Variants in NKAIN2 observed in about 807,000 individuals in gnomAD.
NKAIN2 encodes the protein sodium/potassium-transporting ATPase subunit beta-1-interacting protein 2.
A neutral mutation model predicts 32.6 loss-of-function variants in NKAIN2; 14 were observed. That is an observed-to-expected ratio of 0.43 (90% CI 0.28 to 0.67). NKAIN2 has a LOEUF of 0.67. Among genes scored for constraint, NKAIN2 ranks in the 30% least tolerant of loss-of-function variants. NKAIN2 has a pLI of 0.17. For missense variants in NKAIN2, 198 were observed against 258.3 expected, an observed-to-expected ratio of 0.77 and a Z score of 1.60; for synonymous variants, 80 against 87.2, an observed-to-expected ratio of 0.92 and a Z score of 0.46.
intron 1 of NKAIN2, among the ~76,000 whole-genome samples, chr6:124,092,013 C>T (rs1784447949): frequency 6.6e-6 from 1 of 152,052 alleles, no homozygotes; most frequent in Non-Finnish European, 1.5e-5. Context: ...ATGTACTTTG[C>T]TAACCTTAAG....
chr6:123,934,286 T>G (rs1776400661), intron 1 of NKAIN2, among the ~76,000 whole-genome samples: 1 of 152,200 alleles, frequency 6.6e-6, no homozygotes, highest in South Asian at 2.1e-4. Flanking sequence ...GGTTATATTT[T>G]GTGTTTTGGT....
chr6:124,053,922 T>G (rs549767944), intron 1 of NKAIN2, among the ~76,000 whole-genome samples: 1 of 152,042 alleles, frequency 6.6e-6, no homozygotes, highest in African/African-American at 2.4e-5. Context: ...ACAGTAAGAC[T>G]GATGATTAAA....
At chr6:123,834,364 A>C (rs1774522220) in intron 1 of NKAIN2, among the ~76,000 whole-genome samples, 1 of 151,736 alleles carries the variant, frequency 6.6e-6, no homozygotes, top group Non-Finnish European at 1.5e-5. Flanking sequence ...CATGTTGGCC[A>C]GGCTGGTCTT....
intron 1 of NKAIN2, among the ~76,000 whole-genome samples, chr6:124,215,419 G>A (rs566315653): frequency 1.8e-4 from 28 of 151,960 alleles, no homozygotes; most frequent in African/African-American, 6.3e-4. Context: ...CAATATGATG[G>A]GCCCAATCCT....
At chr6:123,980,180 A>C (rs1008655604) in intron 1 of NKAIN2, among the ~76,000 whole-genome samples, 1 of 152,222 alleles carries the variant, frequency 6.6e-6, no homozygotes, top group African/African-American at 2.4e-5. Context: ...TCTTGCTAAT[A>C]ATGACATGTA....
chr6:123,824,143 A>T (rs946295413), intron 1 of NKAIN2, among the ~76,000 whole-genome samples: 2 of 152,098 alleles, frequency 1.3e-5, no homozygotes, highest in African/African-American at 2.4e-5. Flanking sequence ...CAATCTTATT[A>T]TATATAGAAA....
At chr6:124,245,596 G>A (rs1793355384) in intron 1 of NKAIN2, among the ~76,000 whole-genome samples, 1 of 152,040 alleles carries the variant, frequency 6.6e-6, no homozygotes, top group African/African-American at 2.4e-5. Context: ...CAGTGCTTCA[G>A]TAACTGATAT....
intron 1 of NKAIN2, among the ~76,000 whole-genome samples, chr6:124,259,956 A>G (rs1794155529): frequency 6.6e-6 from 1 of 152,202 alleles, no homozygotes; most frequent in African/African-American, 2.4e-5. Flanking sequence ...CCAAATAATG[A>G]TTAATATTCT....
At chr6:124,382,416 T>C (rs926306108) in intron 3 of NKAIN2, among the ~76,000 whole-genome samples, 1 of 152,178 alleles carries the variant, frequency 6.6e-6, no homozygotes, top group Non-Finnish European at 1.5e-5. Context: ...AAAACTCTGA[T>C]GGGCCCAGTC....
intron 1 of NKAIN2, among the ~76,000 whole-genome samples, chr6:124,041,100 G>A (rs1781851251): frequency 6.6e-6 from 1 of 152,034 alleles, no homozygotes; most frequent in Non-Finnish European, 1.5e-5. Context: ...ATTTTAGGAA[G>A]TCATGTGAAA....
chr6:124,686,742 T>G (rs1441346254), intron 4 of NKAIN2, among the ~76,000 whole-genome samples: 1 of 152,154 alleles, frequency 6.6e-6, no homozygotes, highest in East Asian at 1.9e-4. Flanking sequence ...GCAAGTCATA[T>G]GGCCATACCT....
intron 5 of NKAIN2, among the ~76,000 whole-genome samples, chr6:124,801,381 C>T (rs990347433): frequency 1.3e-5 from 2 of 152,164 alleles, no homozygotes; most frequent in Non-Finnish European, 2.9e-5. Context: ...TAGTGGTCAC[C>T]TACTGTAATC....
rs559810453 is a variant in NKAIN2, at chr6:123,910,876, A to ATT, written c.54+106623_54+106624insTT. On this transcript the variant is annotated intron_variant, in intron 1 of 6. Coordinates refer to ENST00000368417, the MANE Select transcript of NKAIN2 (RefSeq NM_001040214.3). ...CTCATATGAATATGATTACAAGAAAATAACATTTAGATTGAGCCTTTATTT... is the reference window on the plus strand; with the variant it reads ...CTCATATGAATATGATTACAAGAAAATTTAACATTTAGATTGAGCCTTTATTT... Among the ~76,000 whole-genome samples, 60 of 152,202 alleles carry ATT rather than the reference A, an allele frequency of 3.9e-4. No homozygotes were observed. In the East Asian group the frequency reaches 0.011, roughly 28 times the overall value.
Position 124,776,853 on chromosome 6 carries a change from T to C in NKAIN2, c.475-14486T>C, listed in dbSNP as rs140022503. Among the ~76,000 whole-genome samples the C allele has an allele frequency of 1.5e-3, 227 of 152,314 alleles. 1 individual carries two copies. Among genetic ancestry groups the C allele is most frequent in the African/African-American group, 5.0e-3 (206 of 41,582 alleles). On this transcript the variant is annotated intron_variant, in intron 4 of 6. Coordinates refer to ENST00000368417, the MANE Select transcript of NKAIN2 (RefSeq NM_001040214.3). Reference sequence around the variant, plus strand: ...TATATTTTTGTGCCAAGTAGTCTTTTATCAGTTACTTACATTTAGCAGAAT... The same window carrying C: ...TATATTTTTGTGCCAAGTAGTCTTTCATCAGTTACTTACATTTAGCAGAAT...
rs777466801 is a variant in NKAIN2, at chr6:123,849,949, G to GTTTTTTTTT, written c.54+45699_54+45707dup. 4.6e-3 allele frequency among the ~76,000 whole-genome samples: 178 copies of GTTTTTTTTT among 38,644 alleles called. 10 individuals are homozygous for GTTTTTTTTT. Among genetic ancestry groups the GTTTTTTTTT allele is most frequent in the African/African-American group, 6.8e-3 (166 of 24,276 alleles). 25.4% of individuals were successfully genotyped at this position (38,644 alleles called of 152,430 possible). ...TGGTTTCACTCTGTAACTCAGGCTG[G>GTTTTTTTTT]TTTTTTTTTTTTGTTTGTTTGTTTT... On this transcript the variant is annotated intron_variant, in intron 1 of 6. Transcript: ENST00000368417.
At chr6:124,136,686 G>A (rs181272261) in intron 1 of NKAIN2, among the ~76,000 whole-genome samples, 1 of 152,106 alleles carries the variant, frequency 6.6e-6, no homozygotes, top group African/African-American at 2.4e-5. Context: ...TACCAGGGAT[G>A]CAGGGACGGT....
intron 2 of NKAIN2, among the ~76,000 whole-genome samples, chr6:124,318,163 A>T (rs1583039980): frequency 6.6e-6 from 1 of 152,062 alleles, no homozygotes; most frequent in Non-Finnish European, 1.5e-5. Context: ...AAATGTGAGC[A>T]ATACTTTACT....
intron 5 of NKAIN2, among the ~76,000 whole-genome samples, chr6:124,811,665 C>A (rs372035913): frequency 2.6e-5 from 4 of 152,162 alleles, no homozygotes; most frequent in South Asian, 4.2e-4. Context: ...TGTAAACATA[C>A]CCACACTGCA....
At chr6:124,597,144 C>A (rs1782125302) in intron 3 of NKAIN2, among the ~76,000 whole-genome samples, 1 of 152,118 alleles carries the variant, frequency 6.6e-6, no homozygotes, top group Non-Finnish European at 1.5e-5. Context: ...GACACACCTA[C>A]AAATCATGCC....
Sources: allele counts gnomAD v4.1 joint callset (sites outside exome capture counted in the v4.1 genomes callset), GRCh38; gene constraint gnomAD v4.1.1; transcripts MANE v1.5; gene names NCBI Gene and HGNC (gene_info 2026-07-23, HGNC 2026-07-21).